ARG1: variants seen among roughly 807,000 people sequenced by gnomAD.
The protein encoded by ARG1 is arginase-1.
ARG1 carries 20 observed loss-of-function variants against 33.0 expected under a neutral mutation model. The observed-to-expected ratio is 0.61, with a 90% CI of 0.43 to 0.88. The LOEUF (loss-of-function observed/expected upper bound fraction) is 0.88, where lower values mean the gene tolerates loss of function less well. ARG1 is among the 40% of genes least tolerant of loss of function. ARG1 has a pLI of 0.00. For synonymous variants in ARG1, 146 were observed against 140.6 expected (o/e 1.04, Z -0.27); for missense variants, 374 against 384.7 (o/e 0.97, Z 0.23).
chr6:131,581,167 T>G, intron 3 of ARG1, 52 bp from the exon 4 acceptor site: 2 of 1,568,584 alleles, frequency 1.3e-6, no homozygotes, highest in Non-Finnish European at 8.8e-7. Context: ...TAATATGATG[T>G]ATGTAGTGAC....
rs1406817942 is a variant in ARG1 at position 131,584,040 on chromosome 6, T to C, written c.*132T>C. ...ATGTTTTTCCAATTAGTATAAACTCTACAAATTCCCTCTTGGTGTAAAATT... is the reference window on the plus strand; with the variant it reads ...ATGTTTTTCCAATTAGTATAAACTCCACAAATTCCCTCTTGGTGTAAAATT... On this transcript the variant is annotated 3_prime_UTR_variant, in exon 8 of 8. Transcript: ENST00000368087. The C allele has an allele frequency of 2.5e-5, 25 of 995,412 alleles. No homozygotes were observed. The Admixed American group carries it at 7.4e-4, about 29-fold the overall frequency. 61.7% of individuals were successfully genotyped at this position (995,412 alleles called of 1,614,324 possible).
Position 131,582,711 on chromosome 6 carries a change from G to T in ARG1, c.556G>T (p.Glu186Ter), listed in dbSNP as rs1773995607. ...TGGCTTGAGAGACGTGGACCCTGGG[G>T]AACAGTAAGCTTATTCCTTGATGTG... ...YIGLRDVDPGEHYILKTLGIK... is the reference protein window; with the variant it reads ...YIGLRDVDPG Residue 186 changes from glutamate to a stop codon, truncating the protein, a stop_gained, in exon 5 of 8, where the codon GAA (glutamate) becomes TAA (stop). Coordinates refer to ENST00000368087, the MANE Select transcript of ARG1 (RefSeq NM_000045.4). LOFTEE classifies it high-confidence loss of function. 6.2e-7 allele frequency: 1 copy of T among 1,613,404 alleles called. No homozygotes were observed.
chr6:131,581,513 C>T lies in ARG1; in HGVS notation c.465+135C>T, dbSNP rs1773925010. 6.6e-5 allele frequency: 72 copies of T among 1,087,772 alleles called. No individual in the cohort carries two copies. In the South Asian group the frequency reaches 9.5e-4, roughly 14 times the overall value. The allele number at this position is 1,087,772 out of a possible 1,614,324, so 67.4% of individuals were successfully genotyped here. A position where few individuals can be genotyped will look rare whatever the true frequency, so the allele number is the denominator to read the frequency against. On this transcript the variant is annotated intron_variant, in intron 4 of 7. Transcript: ENST00000368087. The stretch of plus-strand genomic sequence containing the variant: ...AATCATTTTCTCTGCAGCCAATAAG[C>T]AAAGGGTTGGTTGATAAAAGGCAGT...
intron 1 of ARG1, among the ~76,000 whole-genome samples, chr6:131,574,973 C>A (rs1015327904): frequency 1.2e-4 from 18 of 152,138 alleles, no homozygotes; most frequent in Non-Finnish European, 2.5e-4. Context: ...TCAGACTATT[C>A]AACTCCAAAG....
At chr6:131,580,715 T>G (rs1449599016) in intron 3 of ARG1, among the ~76,000 whole-genome samples, 1 of 151,990 alleles carries the variant, frequency 6.6e-6, no homozygotes, top group Non-Finnish European at 1.5e-5. Context: ...AGAACTTGAG[T>G]AAGAACATGT....
rs60712846 is a variant in ARG1, at chr6:131,583,564, G to GA, written c.802+76dup. 1,497,583 of 1,590,426 alleles carry GA rather than the reference G, an allele frequency of 0.94. 705,629 individuals are homozygous for GA. The highest frequency in any genetic ancestry group is 1 in the East Asian group (43,646 of 43,650). ...ATATATATTTATACCTCCTTGACCT[G>GA]AAACCAAGTCCCAGCTGACACTTTC... is the stretch of plus-strand genomic sequence containing the variant. On this transcript the variant is annotated intron_variant, in intron 7 of 7. Transcript: ENST00000368087.
rs368486544 is a variant in ARG1, at chr6:131,581,420, T to C, written c.465+42T>C. Reference sequence around the variant, plus strand: ...TACTCTAGTGCAATAGAATACTTTTTAGTAGACATTCAGGAGGTGGAAGGG... The same window carrying C: ...TACTCTAGTGCAATAGAATACTTTTCAGTAGACATTCAGGAGGTGGAAGGG... On this transcript the variant is annotated intron_variant, in intron 4 of 7. Coordinates refer to ENST00000368087, the MANE Select transcript of ARG1 (RefSeq NM_000045.4). 75 of 1,576,270 alleles carry C rather than the reference T, an allele frequency of 4.8e-5. No homozygotes were observed. The Middle Eastern group carries it at 5.1e-4, about 11-fold the overall frequency.
chr6:131,583,190 A>G, intron 6 of ARG1, 26 bp downstream of exon 6: 1 of 1,601,186 alleles, frequency 6.2e-7, no homozygotes, highest in Non-Finnish European at 8.5e-7. Context: ...GTGTGCACAC[A>G]TGTGTGTGCA....
Position 131,581,330 on chromosome 6 carries a change from C to T in ARG1, c.417C>T (p.Asn139=). ...CTCCACTGACAACCACAAGTGGAAA[C>T]TTGCATGGACAACCTGTATCTTTCC... ...INTPLTTTSG[N]LHGQPVSFLL... is the part of the protein sequence containing the mutation. Residue 139 remains asparagine (N), a synonymous_variant, in exon 4 of 8, where the codon AAC becomes AAT. Coordinates refer to ENST00000368087, the MANE Select transcript of ARG1 (RefSeq NM_000045.4). 1 of 1,613,852 alleles carries T rather than the reference C, an allele frequency of 6.2e-7. No homozygotes were observed. Among genetic ancestry groups the T allele is most frequent in the Non-Finnish European group, 8.5e-7 (1 of 1,179,860 alleles).
At chr6:131,577,171 T>C (rs915849791) in intron 2 of ARG1, among the ~76,000 whole-genome samples, 2 of 152,240 alleles carry the variant, frequency 1.3e-5, no homozygotes, top group African/African-American at 4.8e-5. Context: ...TACATACATA[T>C]ACATAAGCAT....
At chr6:131,574,267 GA>G in intron 1 of ARG1, 2 of 1,613,900 alleles carry the variant, frequency 1.2e-6, no homozygotes, top group Non-Finnish European at 1.7e-6. Flanking sequence ...TCTTAATTTG[GA>G]ACCCTTGCTG....
rs757439680 is a variant in ARG1, at chr6:131,573,348, A to G, written c.57+9A>G. The G allele has an allele frequency of 6.2e-7, 1 of 1,614,000 alleles. No individual in the cohort carries two copies. The highest frequency in any genetic ancestry group is 8.5e-7 in the Non-Finnish European group (1 of 1,179,950). ...CTTTCTCAAAGGGACAGGTAAGGAA[A>G]AAAGTCTTTCTTTGAATTCCTGGAA... On this transcript the variant is annotated intron_variant, in intron 1 of 7. Coordinates refer to ENST00000368087, the MANE Select transcript of ARG1 (RefSeq NM_000045.4).
chr6:131,579,243 A>AG lies in ARG1; in HGVS notation c.264dup (p.Lys89GlufsTer29). ...CTGGCTGGCAAGGTGGCAGAAGTCA[A>AG]GAAGAACGGAAGAATCAGCCTGGTG... On this transcript the variant is annotated frameshift_variant, in exon 3 of 8. Coordinates refer to ENST00000368087, the MANE Select transcript of ARG1 (RefSeq NM_000045.4). LOFTEE classifies it high-confidence loss of function. The AG allele has an allele frequency of 6.2e-7, 1 of 1,614,126 alleles. No individual in the cohort carries two copies. The highest frequency in any genetic ancestry group is 8.5e-7 in the Non-Finnish European group (1 of 1,180,012).
Position 131,583,416 on chromosome 6 carries a change from G to A in ARG1, c.727G>A (p.Ala243Thr). Reference sequence around the variant, plus strand: ...CGGACTGGACCCATCTTTCACACCAGCTACTGGCACACCAGTCGTGGGAGG... The same window carrying A: ...CGGACTGGACCCATCTTTCACACCAACTACTGGCACACCAGTCGTGGGAGG... ...VDGLDPSFTPATGTPVVGGLT... is the reference protein window; with the variant it reads ...VDGLDPSFTPTTGTPVVGGLT... Residue 243 changes from alanine to threonine, a missense_variant, in exon 7 of 8, where the codon GCT becomes ACT. Transcript: ENST00000368087. The A allele has an allele frequency of 1.2e-6, 2 of 1,614,130 alleles. No homozygotes were observed. The highest frequency in any genetic ancestry group is 2.2e-5 in the East Asian group (1 of 44,874).
At chr6:131,575,940 T>C (rs967624623) in intron 1 of ARG1, among the ~76,000 whole-genome samples, 1 of 152,180 alleles carries the variant, frequency 6.6e-6, no homozygotes, top group Non-Finnish European at 1.5e-5. Context: ...TTGCCTGCTT[T>C]CTCCCCAAGA....
intron 4 of ARG1, among the ~76,000 whole-genome samples, chr6:131,581,779 A>C (rs1773938729): frequency 6.6e-6 from 1 of 152,156 alleles, no homozygotes; most frequent in African/African-American, 2.4e-5. Flanking sequence ...ATTCTTACTG[A>C]GTAGTCCTTC....
Position 131,583,787 on chromosome 6 carries a change from G to C in ARG1, c.848G>C (p.Gly283Ala). 1 of 1,614,044 alleles carries C rather than the reference G, an allele frequency of 6.2e-7. No individual in the cohort carries two copies. The highest frequency in any genetic ancestry group is 8.5e-7 in the Non-Finnish European group (1 of 1,179,974). ...LDIMEVNPSL[G>A]KTPEEVTRTV... Reference sequence around the variant, plus strand: ...ATAATGGAAGTGAACCCATCCCTGGGGAAGACACCAGAAGAAGTAACTCGA... The same window carrying C: ...ATAATGGAAGTGAACCCATCCCTGGCGAAGACACCAGAAGAAGTAACTCGA... The change falls in exon 8 of 8, where the codon GGG becomes GCG. Residue 283 changes from glycine to alanine, a missense_variant. Coordinates refer to ENST00000368087, the MANE Select transcript of ARG1 (RefSeq NM_000045.4).
chr6:131,576,892 T>C (rs1177141525), intron 2 of ARG1, among the ~76,000 whole-genome samples, 157 bp downstream of exon 2: 1 of 152,048 alleles, frequency 6.6e-6, no homozygotes, highest in Non-Finnish European at 1.5e-5. Context: ...CAGCAGGGCA[T>C]GGGGAGAATG....
chr6:131,583,516 A>G (rs751272310), intron 7 of ARG1, 25 bp downstream of exon 7: 1 of 1,613,228 alleles, frequency 6.2e-7, no homozygotes, highest in East Asian at 2.2e-5. Context: ...GAGGTAATAG[A>G]GAAGCAAGTG....
Sources: gnomAD v4.1 joint callset for allele counts (sites outside exome capture counted in the v4.1 genomes callset) on GRCh38, gnomAD v4.1.1 for gene constraint, MANE v1.5 for transcripts, NCBI Gene and HGNC (gene_info 2026-07-23, HGNC 2026-07-21) for gene names.